Variants in CORO2B observed in about 807,000 individuals in gnomAD.
The protein encoded by CORO2B is coronin 2B.
Under a neutral mutation model 58.8 loss-of-function variants are expected in CORO2B, and 26 were observed. That is an observed-to-expected ratio of 0.44 (90% confidence interval 0.32 to 0.61). The LOEUF is 0.61. Ranked by LOEUF, CORO2B falls within the 20% of genes least tolerant of loss-of-function variation. CORO2B has a pLI of 0.04. For missense variants in CORO2B, 460 were observed against 645.1 expected, an observed-to-expected ratio of 0.71 and a Z score of 3.11; for synonymous variants, 242 against 253.8, an observed-to-expected ratio of 0.95 and a Z score of 0.44.
At chr15:68,650,605 C>T (rs1901611984) in intron 2 of CORO2B, among the ~76,000 whole-genome samples, 1 of 152,034 alleles carries the variant, frequency 6.6e-6, no homozygotes, top group African/African-American at 2.4e-5. Flanking sequence ...AGTGAGACTC[C>T]GTCTCAAAAA....
chr15:68,610,215 A>G (rs1042309727), intron 1 of CORO2B, among the ~76,000 whole-genome samples: 1 of 152,106 alleles, frequency 6.6e-6, no homozygotes, highest in South Asian at 2.1e-4. Context: ...CTAAATGTCA[A>G]TGGATGCGCC....
the CORO2B span, among the ~76,000 whole-genome samples, chr15:68,526,866 A>G: frequency 2.6e-5 from 4 of 152,210 alleles, no homozygotes; most frequent in Admixed American, 6.5e-5. Context: ...CAAAATTCCT[A>G]TGTTGAAGCT....
chr15:68,550,266 G>T, the CORO2B span, among the ~76,000 whole-genome samples: 1 of 152,134 alleles, frequency 6.6e-6, no homozygotes, highest in Non-Finnish European at 1.5e-5. Flanking sequence ...AGAACCCCCG[G>T]GATGTAATGC....
chr15:68,629,972 CCCTG>C (rs1460046427), intron 1 of CORO2B, among the ~76,000 whole-genome samples: 1 of 152,190 alleles, frequency 6.6e-6, no homozygotes, highest in Non-Finnish European at 1.5e-5. Flanking sequence ...GCCAGAGGCA[CCCTG>C]CCCTGGAGGA....
intron 8 of CORO2B, among the ~76,000 whole-genome samples, chr15:68,717,233 G>A (rs943064457): frequency 6.6e-6 from 1 of 151,682 alleles, no homozygotes; most frequent in African/African-American, 2.4e-5. Context: ...AGAATCGCTT[G>A]AACCCGGGAG....
At chr15:68,526,059 G>A in the CORO2B span, among the ~76,000 whole-genome samples, 44 of 152,214 alleles carry the variant, frequency 2.9e-4, 2 homozygotes, top group South Asian at 2.1e-4. Context: ...CTCATTCAGC[G>A]TAATTATTCT....
chr15:68,586,795 A>G (rs932277672), intron 1 of CORO2B, among the ~76,000 whole-genome samples: 1 of 152,022 alleles, frequency 6.6e-6, no homozygotes, highest in Admixed American at 6.6e-5. Context: ...GGGGTGTGGA[A>G]GTGCCAAGTT....
Position 68,620,598 on chromosome 15 carries a change from C to T in CORO2B, c.16-24562C>T, listed in dbSNP as rs191385264. 5.3e-5 allele frequency among the ~76,000 whole-genome samples: 8 copies of T among 152,312 alleles called. No individual in the cohort carries two copies. In the East Asian group the frequency reaches 1.5e-3, roughly 29 times the overall value. On this transcript the variant is annotated intron_variant, in intron 1 of 11. Transcript: ENST00000261861. ...TCTGCGTTTAGGGAACACCTGGTCC[C>T]GCATCTTGCTTTTGAATCAGTTTTA...
At chr15:68,533,257 T>C in the CORO2B span, among the ~76,000 whole-genome samples, 1 of 152,198 alleles carries the variant, frequency 6.6e-6, no homozygotes. Context: ...TTAATATATT[T>C]CAATCTGTTT....
At chr15:68,556,837 G>A in the CORO2B span, among the ~76,000 whole-genome samples, 1 of 152,158 alleles carries the variant, frequency 6.6e-6, no homozygotes, top group African/African-American at 2.4e-5. Context: ...CAGAGCCCTG[G>A]CCACCTCCTA....
the CORO2B span, among the ~76,000 whole-genome samples, chr15:68,521,595 G>A: frequency 0.02 from 3,077 of 151,492 alleles, 114 homozygotes; most frequent in African/African-American, 0.071. Flanking sequence ...ACTTTATTTC[G>A]CATACACTTT....
intron 1 of CORO2B, among the ~76,000 whole-genome samples, chr15:68,586,635 G>C (rs1247244553): frequency 6.6e-6 from 1 of 152,190 alleles, no homozygotes; most frequent in Non-Finnish European, 1.5e-5. Flanking sequence ...GAGAAGCTAA[G>C]TCACCTGTAA....
the CORO2B span, among the ~76,000 whole-genome samples, chr15:68,558,375 A>AT: frequency 1.9e-4 from 28 of 147,972 alleles, no homozygotes; most frequent in East Asian, 6.0e-4. Flanking sequence ...CCCCCTCACC[A>AT]TTTTTTTTTT....
At chr15:68,532,382 T>TG in the CORO2B span, among the ~76,000 whole-genome samples, 2 of 152,230 alleles carry the variant, frequency 1.3e-5, no homozygotes, top group African/African-American at 4.8e-5. Context: ...TGGTTTCTGT[T>TG]GCCGTGTCTC....
intron 7 of CORO2B, 120 bp from the exon 8 acceptor site, chr15:68,715,095 G>T (rs1893001683): frequency 1.1e-6 from 1 of 887,902 alleles, no homozygotes; most frequent in Admixed American, 2.0e-5. Context: ...AGGTTTCCTT[G>T]GTTTTTTTAA....
intron 2 of CORO2B, among the ~76,000 whole-genome samples, chr15:68,680,551 G>C (rs1320607305): frequency 6.6e-6 from 1 of 152,182 alleles, no homozygotes; most frequent in Non-Finnish European, 1.5e-5. Context: ...ATCCTGATTA[G>C]GTCCACCGTC....
chr15:68,566,673 G>T, the CORO2B span, among the ~76,000 whole-genome samples: 3 of 152,130 alleles, frequency 2.0e-5, no homozygotes, highest in African/African-American at 4.8e-5. Flanking sequence ...AGCAAATAAG[G>T]CTCCATGAGC....
intron 2 of CORO2B, among the ~76,000 whole-genome samples, chr15:68,678,538 G>A (rs146239121): frequency 2.0e-5 from 3 of 152,300 alleles, no homozygotes; most frequent in African/African-American, 4.8e-5. Flanking sequence ...GCCAGGTGAG[G>A]TGGTGGGTGC....
intron 2 of CORO2B, 58 bp from the exon 3 acceptor site, chr15:68,695,082 G>T: frequency 7.3e-7 from 1 of 1,370,258 alleles, no homozygotes; most frequent in Non-Finnish European, 1.0e-6. Flanking sequence ...TCCATTCAAG[G>T]CCACCCCAGG....
Sources: allele counts gnomAD v4.1 joint callset (sites outside exome capture counted in the v4.1 genomes callset), GRCh38; gene constraint gnomAD v4.1.1; transcripts MANE v1.5; gene names NCBI Gene and HGNC (gene_info 2026-07-23, HGNC 2026-07-21).